MAGI1: variants seen among roughly 807,000 people sequenced by gnomAD.
MAGI1 encodes membrane associated guanylate kinase, WW and PDZ domain containing 1.
A neutral mutation model predicts 139.9 loss-of-function variants in MAGI1; 58 were observed. That is an observed-to-expected ratio of 0.41 (90% CI 0.34 to 0.52). The LOEUF (loss-of-function observed/expected upper bound fraction) is 0.52, where lower values mean the gene tolerates loss of function less well. Ranked by LOEUF, MAGI1 falls within the 20% of genes least tolerant of loss-of-function variation. The pLI is 0.12. For missense variants in MAGI1, 1,874 were observed against 1,901.6 expected (o/e 0.99, Z 0.27); for synonymous variants, 812 against 737.9 (o/e 1.10, Z -1.63).
At chr3:66,028,601 C>T (rs949686456) in intron 1 of MAGI1, among the ~76,000 whole-genome samples, 2 of 152,056 alleles carry the variant, frequency 1.3e-5, no homozygotes, top group Admixed American at 1.3e-4. Context: ...GTCCCATTCT[C>T]AAGAATCATC....
Position 65,708,862 on chromosome 3 carries a change from T to C in MAGI1, c.314-86774A>G, listed in dbSNP as rs554872184. ...AATTCCAGGATACCTGGGTAGGTGA[T>C]GAACATGAGGAGAAAGGAGAAACGG... is the stretch of plus-strand genomic sequence containing the variant. On this transcript the variant is annotated intron_variant, in intron 1 of 22. Coordinates refer to ENST00000402939, the MANE Select transcript of MAGI1 (RefSeq NM_001033057.2). Among the ~76,000 whole-genome samples the C allele has an allele frequency of 8.2e-4, 125 of 152,216 alleles. 1 individual carries two copies. Among genetic ancestry groups the C allele is most frequent in the African/African-American group, 2.9e-3 (119 of 41,536 alleles).
intron 1 of MAGI1, among the ~76,000 whole-genome samples, chr3:65,971,914 C>G (rs926893736): frequency 2.3e-4 from 35 of 152,164 alleles, no homozygotes; most frequent in African/African-American, 8.2e-4. Flanking sequence ...CTCTTGGGCA[C>G]ACTTAATAAT....
intron 1 of MAGI1, among the ~76,000 whole-genome samples, chr3:65,889,021 A>G (rs572640109): frequency 6.6e-6 from 1 of 152,352 alleles, no homozygotes; most frequent in Non-Finnish European, 1.5e-5. Flanking sequence ...TATAATGTAT[A>G]ATGACCTCTA....
At chr3:65,824,328 C>G (rs1024879025) in intron 1 of MAGI1, among the ~76,000 whole-genome samples, 2 of 152,292 alleles carry the variant, frequency 1.3e-5, no homozygotes, top group South Asian at 2.1e-4. Context: ...GCTTTCACAT[C>G]ACATCTGGCC....
At chr3:65,832,112 TGACTGCCCAAA>T (rs763080322) in intron 1 of MAGI1, among the ~76,000 whole-genome samples, 4 of 152,228 alleles carry the variant, frequency 2.6e-5, no homozygotes, top group Non-Finnish European at 4.4e-5. Flanking sequence ...ACCTTTCTCT[TGACTGCCCAAA>T]GATTAATGTT....
At chr3:65,889,404 A>G (rs1314323003) in intron 1 of MAGI1, among the ~76,000 whole-genome samples, 2 of 152,208 alleles carry the variant, frequency 1.3e-5, no homozygotes, top group Admixed American at 1.3e-4. Context: ...TTCTGGGCTT[A>G]GCGACACACT....
At chr3:65,534,410 A>G (rs537981293) in intron 2 of MAGI1, among the ~76,000 whole-genome samples, 38 of 152,248 alleles carry the variant, frequency 2.5e-4, no homozygotes, top group South Asian at 8.3e-4. Flanking sequence ...GGATTATCTG[A>G]GCCCAGGAGT....
chr3:65,373,737 A>G (rs982788999), intron 18 of MAGI1, among the ~76,000 whole-genome samples: 10 of 152,192 alleles, frequency 6.6e-5, no homozygotes, highest in Admixed American at 3.3e-4. Flanking sequence ...AAATTGTAAC[A>G]GCTTTCCAGA....
chr3:65,378,483 C>T (rs1006402405), intron 17 of MAGI1, among the ~76,000 whole-genome samples: 7 of 152,116 alleles, frequency 4.6e-5, no homozygotes, highest in African/African-American at 1.7e-4. Flanking sequence ...ACTCCTTACA[C>T]CTCTGTTTTT....
chr3:65,607,308 A>G (rs2082795110), intron 2 of MAGI1, among the ~76,000 whole-genome samples: 2 of 151,394 alleles, frequency 1.3e-5, no homozygotes, highest in Non-Finnish European at 2.9e-5. Context: ...AGGTCACACC[A>G]CTCCCTGAAA....
At chr3:65,618,245 GAA>G (rs2083475892) in intron 2 of MAGI1, among the ~76,000 whole-genome samples, 5 of 152,262 alleles carry the variant, frequency 3.3e-5, no homozygotes, top group African/African-American at 1.2e-4. Context: ...TGGAGGAGGA[GAA>G]AGAGAAATAT....
chr3:65,444,509 C>T (rs948326454), intron 7 of MAGI1, among the ~76,000 whole-genome samples: 22 of 152,044 alleles, frequency 1.4e-4, no homozygotes, highest in Admixed American at 1.4e-3. Flanking sequence ...AGATATGTGG[C>T]CTGATTATCT....
intron 1 of MAGI1, among the ~76,000 whole-genome samples, chr3:65,838,945 T>C (rs1292651618): frequency 1.3e-5 from 2 of 152,226 alleles, no homozygotes; most frequent in African/African-American, 2.4e-5. Context: ...CACATCATGG[T>C]CTTAATTTGC....
At chr3:65,650,580 C>G (rs1238768582) in intron 1 of MAGI1, among the ~76,000 whole-genome samples, 1 of 152,222 alleles carries the variant, frequency 6.6e-6, no homozygotes, top group East Asian at 1.9e-4. Flanking sequence ...GGAGGGAGCA[C>G]ATCCCTGTGT....
intron 1 of MAGI1, among the ~76,000 whole-genome samples, chr3:65,673,787 T>C (rs542522067): frequency 1.3e-5 from 2 of 152,386 alleles, no homozygotes; most frequent in South Asian, 2.1e-4. Flanking sequence ...AATTATATTA[T>C]TGTATGTCTA....
At chr3:65,547,325 T>C (rs1459452465) in intron 2 of MAGI1, among the ~76,000 whole-genome samples, 1 of 152,168 alleles carries the variant, frequency 6.6e-6, no homozygotes, top group Non-Finnish European at 1.5e-5. Context: ...AAAATCTCTA[T>C]AAAGGGTATG....
At chr3:65,828,923 T>A (rs1575628630) in intron 1 of MAGI1, among the ~76,000 whole-genome samples, 1 of 152,140 alleles carries the variant, frequency 6.6e-6, no homozygotes, top group Non-Finnish European at 1.5e-5. Flanking sequence ...TCATGGAATG[T>A]GGGTGGCCGC....
intron 1 of MAGI1, among the ~76,000 whole-genome samples, chr3:65,730,776 G>A (rs953892135): frequency 6.6e-6 from 1 of 152,092 alleles, no homozygotes; most frequent in African/African-American, 2.4e-5. Flanking sequence ...ATGAATAAAT[G>A]GTCACTAAAA....
chr3:65,863,266 C>G (rs1435839916), intron 1 of MAGI1, among the ~76,000 whole-genome samples: 1 of 152,182 alleles, frequency 6.6e-6, no homozygotes, highest in East Asian at 1.9e-4. Context: ...ACAGACTATG[C>G]TCACTCCTTT....
Sources: allele counts gnomAD v4.1 joint callset (sites outside exome capture counted in the v4.1 genomes callset), GRCh38; gene constraint gnomAD v4.1.1; transcripts MANE v1.5; gene names NCBI Gene and HGNC (gene_info 2026-07-23, HGNC 2026-07-21).